PFKP: variants seen among roughly 807,000 people sequenced by gnomAD.
PFKP encodes ATP-dependent 6-phosphofructokinase, platelet type.
In PFKP, 101 loss-of-function variants were observed where a neutral mutation model predicts 94.3. The ratio of observed to expected loss-of-function variants is 1.07; its 90% CI spans 0.91 to 1.26. PFKP has a LOEUF of 1.26. Ranked by LOEUF, PFKP falls within the 50% of genes most tolerant of loss-of-function variation. The pLI is 0.00. For synonymous variants in PFKP, 573 were observed against 432.6 expected (o/e 1.32, Z -4.03); for missense variants, 1,145 against 1,103.3 (o/e 1.04, Z -0.53).
At chr10:3,087,253 C>G (rs1358065931) in intron 2 of PFKP, among the ~76,000 whole-genome samples, 3 of 152,190 alleles carry the variant, frequency 2.0e-5, no homozygotes, top group African/African-American at 7.2e-5. Flanking sequence ...GGCACCTCAC[C>G]TGGCTCAGAG....
chr10:3,082,989 G>C (rs542256379), intron 2 of PFKP, among the ~76,000 whole-genome samples: 1 of 152,262 alleles, frequency 6.6e-6, no homozygotes, highest in East Asian at 1.9e-4. Context: ...GGTATTACAG[G>C]TGTGAGCCAC....
intron 1 of PFKP, among the ~76,000 whole-genome samples, chr10:3,077,466 C>T (rs569091226): frequency 1.3e-5 from 2 of 151,732 alleles, no homozygotes; most frequent in South Asian, 4.2e-4. Flanking sequence ...TGGGGTTTCA[C>T]CCTGTTAGCC....
At chr10:3,083,978 G>T (rs1287105900) in intron 2 of PFKP, among the ~76,000 whole-genome samples, 4 of 152,186 alleles carry the variant, frequency 2.6e-5, no homozygotes, top group African/African-American at 9.7e-5. Flanking sequence ...CTGTCTTGTT[G>T]AATTGATGTC....
chr10:3,095,268 C>T (rs932701032), intron 2 of PFKP, among the ~76,000 whole-genome samples: 1 of 87,006 alleles, frequency 1.1e-5, no homozygotes, highest in African/African-American at 3.0e-5. Context: ...GGTGAACTAG[C>T]TTACTCCATT....
intron 8 of PFKP, 152 bp downstream of exon 8, chr10:3,107,461 C>T: frequency 1.6e-6 from 1 of 612,786 alleles, no homozygotes; most frequent in East Asian, 2.9e-5. Context: ...AGTTGGACGG[C>T]AGGGGAAACA....
chr10:3,110,063 G>A (rs149379151), intron 10 of PFKP, among the ~76,000 whole-genome samples: 3 of 152,274 alleles, frequency 2.0e-5, no homozygotes, highest in East Asian at 1.9e-4. Flanking sequence ...CTGGTCACCC[G>A]AAGATACACC....
chr10:3,104,850 CAGA>C, intron 5 of PFKP: 1 of 548,050 alleles, frequency 1.8e-6, no homozygotes, highest in East Asian at 3.2e-5. Flanking sequence ...CACAGGCAGG[CAGA>C]AGGTGTCCAA....
At chr10:3,103,135 G>A (rs773575747) in intron 4 of PFKP, among the ~76,000 whole-genome samples, 55 of 152,342 alleles carry the variant, frequency 3.6e-4, no homozygotes, top group African/African-American at 1.3e-3. Context: ...TAATTGTAAC[G>A]TATCCTGTTC....
intron 2 of PFKP, among the ~76,000 whole-genome samples, chr10:3,083,930 G>A (rs1405907191): frequency 1.3e-5 from 2 of 152,120 alleles, no homozygotes; most frequent in South Asian, 2.1e-4. Context: ...GGTGTGAGCC[G>A]CCGCGCCCAG....
At chr10:3,122,027 G>T (rs1311369876) in intron 16 of PFKP, among the ~76,000 whole-genome samples, 1 of 151,418 alleles carries the variant, frequency 6.6e-6, no homozygotes, top group African/African-American at 2.4e-5. Context: ...TCCCTGTGTT[G>T]CCCAGGCTGG....
chr10:3,074,439 G>A (rs1030293528), intron 1 of PFKP, among the ~76,000 whole-genome samples: 1 of 152,330 alleles, frequency 6.6e-6, no homozygotes, highest in Middle Eastern at 3.4e-3. Context: ...GGAAGCAGGT[G>A]GAGGGAAGCA....
intron 11 of PFKP, 25 bp from the exon 12 acceptor site, chr10:3,113,094 G>C (rs769801413): frequency 6.2e-7 from 1 of 1,607,600 alleles, no homozygotes; most frequent in South Asian, 1.1e-5. Context: ...CTCGACTCCG[G>C]TCCAACGACA....
At chr10:3,099,374 C>CA in intron 3 of PFKP, 22 bp downstream of exon 3, 1 of 1,591,372 alleles carries the variant, frequency 6.3e-7, no homozygotes, top group Non-Finnish European at 8.6e-7. Flanking sequence ...GCTGCGTCCA[C>CA]AGGGTTCTCT....
At chr10:3,113,243 G>A (rs1357961265) in intron 12 of PFKP, 55 bp downstream of exon 12, 2 of 1,586,572 alleles carry the variant, frequency 1.3e-6, no homozygotes, top group Non-Finnish European at 1.7e-6. Context: ...CTCCCCTCAT[G>A]GCCTCTGCCT....
intron 16 of PFKP, 84 bp downstream of exon 16, chr10:3,120,128 G>T: frequency 9.3e-7 from 1 of 1,078,994 alleles, no homozygotes; most frequent in Non-Finnish European, 1.4e-6. Context: ...CAGTGCGCTA[G>T]AAATAGCCTT....
chr10:3,102,698 T>A (rs1835136423), intron 4 of PFKP, among the ~76,000 whole-genome samples: 1 of 152,210 alleles, frequency 6.6e-6, no homozygotes, highest in Non-Finnish European at 1.5e-5. Flanking sequence ...TCCCAAAGTG[T>A]AGTTTTTCTC....
rs370176290 is a variant in PFKP, at chr10:3,120,082, G to A, written c.1683+38G>A. 3.7e-6 allele frequency: 6 copies of A among 1,608,446 alleles called. No homozygotes were observed. The African/African-American group carries it at 5.3e-5, about 14-fold the overall frequency. The stretch of plus-strand genomic sequence containing the variant: ...GCGCCCTGCCAGGCGGGCGCCGGCT[G>A]ACGCTAACCCCGGGGCCCCGGCCCT... On this transcript the variant is annotated intron_variant, in intron 16 of 21. Transcript: ENST00000381125.
At chr10:3,108,897 G>A (rs988679355) in intron 9 of PFKP, 104 bp downstream of exon 9, 12 of 839,754 alleles carry the variant, frequency 1.4e-5, no homozygotes, top group East Asian at 7.3e-5. Flanking sequence ...GGTGCTCCCC[G>A]AGAGATGCCC....
At chr10:3,078,274 G>A (rs1832764547) in intron 1 of PFKP, among the ~76,000 whole-genome samples, 1 of 148,670 alleles carries the variant, frequency 6.7e-6, no homozygotes, top group South Asian at 2.1e-4. Flanking sequence ...CTGCATTGCA[G>A]GTGTGCACGT....
Sources: allele counts gnomAD v4.1 joint callset (sites outside exome capture counted in the v4.1 genomes callset), GRCh38; gene constraint gnomAD v4.1.1; transcripts MANE v1.5; gene names NCBI Gene and HGNC (gene_info 2026-07-23, HGNC 2026-07-21).